The following MYEF2 variants were observed in gnomAD, a reference collection of about 807,000 sequenced individuals.
MYEF2 encodes myelin gene expression factor 2.
In MYEF2, 37 loss-of-function variants were observed where a neutral mutation model predicts 75.2. That is an observed-to-expected ratio of 0.49 (90% CI 0.38 to 0.65). The LOEUF is 0.65. MYEF2 is among the 30% of genes least tolerant of loss of function. The probability of loss-of-function intolerance (pLI) is 0.00; values close to 1 mark genes in which losing one functional copy is unlikely to be tolerated. For synonymous variants in MYEF2, 195 were observed against 241.6 expected (o/e 0.81, Z 1.79); for missense variants, 634 against 771.4 (o/e 0.82, Z 2.11).
chr15:48,175,069 A>G (rs2040470089), intron 1 of MYEF2, among the ~76,000 whole-genome samples: 1 of 152,198 alleles, frequency 6.6e-6, no homozygotes, highest in African/African-American at 2.4e-5. Flanking sequence ...GATTAAAGGA[A>G]ACATGATATA....
Position 48,142,366 on chromosome 15 carries a change from T to G in MYEF2, c.*542A>C. On this transcript the variant is annotated 3_prime_UTR_variant, in exon 17 of 17. Coordinates refer to ENST00000324324, the MANE Select transcript of MYEF2 (RefSeq NM_016132.5). ...GTGGAGGTTGATATTATTAATAGTG[T>G]TATGCAGAAAATATGAATGGCAGGG... 2 of 1,494,196 alleles carry G rather than the reference T, an allele frequency of 1.3e-6. No homozygotes were observed. The highest frequency in any genetic ancestry group is 1.8e-6 in the Non-Finnish European group (2 of 1,105,826). The allele number at this position is 1,494,196 out of a possible 1,614,324, so 92.6% of individuals were successfully genotyped here. A position where few individuals can be genotyped will look rare whatever the true frequency, so the allele number is the denominator to read the frequency against.
In MYEF2 at chr15:48,135,245, G is replaced by T; in HGVS notation, c.*7663C>A. ...CCACCACTTTTCCTTCTCCCCACTG[G>T]CTGCCTATTCAGAAAGTTTCCCAAC... On this transcript the variant is annotated 3_prime_UTR_variant, in exon 17 of 17. Coordinates refer to ENST00000324324, the MANE Select transcript of MYEF2 (RefSeq NM_016132.5). The T allele has an allele frequency of 3.4e-6, 1 of 292,718 alleles. No individual in the cohort carries two copies. The highest frequency in any genetic ancestry group is 6.1e-5 in the South Asian group (1 of 16,332). The allele number at this position is 292,718 out of a possible 1,614,324, so 18.1% of individuals were successfully genotyped here.
At chr15:48,154,540 T>C (rs1411815636) in intron 9 of MYEF2, among the ~76,000 whole-genome samples, 1 of 152,132 alleles carries the variant, frequency 6.6e-6, no homozygotes, top group African/African-American at 2.4e-5. Flanking sequence ...GAAGGACAGA[T>C]TACTTATAAA....
chr15:48,153,975 T>G, intron 9 of MYEF2, 82 bp from the exon 10 acceptor site: 8 of 1,034,284 alleles, frequency 7.7e-6, no homozygotes, highest in Non-Finnish European at 1.1e-5. Context: ...AAAAGCTATA[T>G]ACCTGTAGTA....
At chr15:48,174,849 T>G (rs1222387931) in intron 1 of MYEF2, among the ~76,000 whole-genome samples, 1 of 152,074 alleles carries the variant, frequency 6.6e-6, no homozygotes, top group African/African-American at 2.4e-5. Context: ...GAATATACAT[T>G]GGTACAGCCA....
chr15:48,139,107 C>T lies in MYEF2; in HGVS notation c.*3801G>A, dbSNP rs1393408470. 14 of 1,613,134 alleles carry T rather than the reference C, an allele frequency of 8.7e-6. No individual in the cohort carries two copies. Among genetic ancestry groups the T allele is most frequent in the Non-Finnish European group, 1.2e-5 (14 of 1,179,344 alleles). On this transcript the variant is annotated 3_prime_UTR_variant, in exon 17 of 17. Transcript: ENST00000324324. ...TTTTGGAAAAACTACTTTGTGATAA[C>T]CTTTTTCATGTCTGCAATATGGATA... is the stretch of plus-strand genomic sequence containing the variant.
rs758366468 is a variant in MYEF2, at chr15:48,166,140, T to C, written c.424-12A>G. 3.8e-6 allele frequency: 6 copies of C among 1,563,230 alleles called. No individual in the cohort carries two copies. Among genetic ancestry groups the C allele is most frequent in the Non-Finnish European group, 5.2e-6 (6 of 1,147,664 alleles). On this transcript the variant is annotated splice_polypyrimidine_tract_variant and intron_variant, in intron 3 of 16. Coordinates refer to ENST00000324324, the MANE Select transcript of MYEF2 (RefSeq NM_016132.5). ...TCTTACCCACAACCCTATATCCAGGTAGATTTGTCAAAATATGCAAAAGAA... is the reference window on the plus strand; with the variant it reads ...TCTTACCCACAACCCTATATCCAGGCAGATTTGTCAAAATATGCAAAAGAA...
At chr15:48,158,135 C>A (rs761275029) in intron 8 of MYEF2, 40 bp downstream of exon 8, 3 of 1,611,950 alleles carry the variant, frequency 1.9e-6, no homozygotes, top group Non-Finnish European at 1.7e-6. Flanking sequence ...AATAAAAGAT[C>A]TGAAGAGGTT....
rs556913093 is a variant in MYEF2 at position 48,137,536 on chromosome 15, C to T, written c.*5372G>A. On this transcript the variant is annotated 3_prime_UTR_variant, in exon 17 of 17. Coordinates refer to ENST00000324324, the MANE Select transcript of MYEF2 (RefSeq NM_016132.5). ...TAATGTTACCCAAAATGATGTTCAC[C>T]GAACTAAAATATGAAGAGACAAAGA... The T allele has an allele frequency of 2.0e-5, 3 of 151,942 alleles. No individual in the cohort carries two copies. The highest frequency in any genetic ancestry group is 3.9e-4 in the East Asian group (2 of 5,172). 9.4% of individuals were successfully genotyped at this position (151,942 alleles called of 1,614,324 possible). A position where few individuals can be genotyped will look rare whatever the true frequency, so the allele number is the denominator to read the frequency against.
chr15:48,154,033 G>C, intron 9 of MYEF2, 140 bp from the exon 10 acceptor site: 1 of 595,436 alleles, frequency 1.7e-6, no homozygotes. Context: ...ACTGGTTCTT[G>C]TTTTTGTCTA....
intron 16 of MYEF2, among the ~76,000 whole-genome samples, chr15:48,147,883 T>G (rs913594100): frequency 6.6e-6 from 1 of 151,994 alleles, no homozygotes; most frequent in African/African-American, 2.4e-5. Context: ...ACTGAATAAA[T>G]GAACATCTAC....
At position 48,139,154 on chromosome 15, in the gene MYEF2, G is replaced by A. The variant is rs555872528; in HGVS notation, c.*3754C>T. The A allele has an allele frequency of 6.2e-7, 1 of 1,611,778 alleles. No homozygotes were observed. The highest frequency in any genetic ancestry group is 2.2e-5 in the East Asian group (1 of 44,746). ...GATATCCGCATTTACATATATCCTG[G>A]TTTGGATGGTCACAATAACTGGTAT... On this transcript the variant is annotated 3_prime_UTR_variant, in exon 17 of 17. Coordinates refer to ENST00000324324, the MANE Select transcript of MYEF2 (RefSeq NM_016132.5).
chr15:48,178,246 C>CGCT lies in MYEF2; in HGVS notation c.-12_-10dup, dbSNP rs954241638. On this transcript the variant is annotated 5_prime_UTR_variant, in exon 1 of 17. Coordinates refer to ENST00000324324, the MANE Select transcript of MYEF2 (RefSeq NM_016132.5). ...TTGTTGGCGTCCGCCATCCCGCCGC[C>CGCT]GCTGCCTCCGCCTCGGCCGCCTGAG... 41 of 1,386,648 alleles carry CGCT rather than the reference C, an allele frequency of 3.0e-5. No individual in the cohort carries two copies. Among genetic ancestry groups the CGCT allele is most frequent in the Non-Finnish European group, 3.6e-5 (39 of 1,075,608 alleles). 85.9% of individuals were successfully genotyped at this position (1,386,648 alleles called of 1,614,324 possible). A position where few individuals can be genotyped will look rare whatever the true frequency, so the allele number is the denominator to read the frequency against.
rs372090273 is a variant in MYEF2 at position 48,160,486 on chromosome 15, TAC to T, written c.526-684_526-683del. The stretch of plus-strand genomic sequence containing the variant: ...CCCTACCTTTAAACAAAACCAAACA[TAC>T]ACACACACACACACACACACACACA... On this transcript the variant is annotated intron_variant, in intron 5 of 16. Transcript: ENST00000324324. Among the ~76,000 whole-genome samples, 11 of 139,308 alleles carry T rather than the reference TAC, an allele frequency of 7.9e-5. 1 individual carries two copies. The highest frequency in any genetic ancestry group is 1.6e-4 in the African/African-American group (6 of 37,932). 91.4% of individuals were successfully genotyped at this position (139,308 alleles called of 152,430 possible).
rs2038920989 is a variant in MYEF2, at chr15:48,137,137, A to G, written c.*5771T>C. The G allele has an allele frequency of 6.5e-6, 4 of 619,120 alleles. No homozygotes were observed. The South Asian group carries it at 1.0e-4, about 16-fold the overall frequency. The allele number at this position is 619,120 out of a possible 1,614,324, so 38.4% of individuals were successfully genotyped here. ...GAACTTCCAATATCACAGGAAATACAAAATAGCTAAAGTATGAACGTTAAG... is the reference window on the plus strand; with the variant it reads ...GAACTTCCAATATCACAGGAAATACGAAATAGCTAAAGTATGAACGTTAAG... On this transcript the variant is annotated 3_prime_UTR_variant, in exon 17 of 17. Transcript: ENST00000324324.
chr15:48,144,387 CCAACTGGTAGT>C (rs549520484), intron 16 of MYEF2, among the ~76,000 whole-genome samples: 194 of 152,042 alleles, frequency 1.3e-3, no homozygotes, highest in Admixed American at 3.0e-3. Context: ...TTTTTGAAAA[CCAACTGGTAGT>C]CAACTGCTCA....
chr15:48,153,745 T>C, intron 10 of MYEF2, 47 bp downstream of exon 10: 1 of 1,465,142 alleles, frequency 6.8e-7, no homozygotes, highest in African/African-American at 1.4e-5. Context: ...CTTTATTAGC[T>C]AGCATATGTA....
In MYEF2 at chr15:48,141,175, A is replaced by C. The variant is rs148832380; in HGVS notation, c.*1733T>G. 3.3e-4 allele frequency: 526 copies of C among 1,613,888 alleles called. No individual in the cohort carries two copies. The highest frequency in any genetic ancestry group is 4.3e-4 in the Non-Finnish European group (507 of 1,179,886). On this transcript the variant is annotated 3_prime_UTR_variant, in exon 17 of 17. Transcript: ENST00000324324. ...TACTTTATTAGCAGCAGGAACAAGC[A>C]TACCAGACACAATTGCAAGTGTGTT...
At chr15:48,167,475 C>T in intron 2 of MYEF2, 74 bp from the exon 3 acceptor site, 2 of 1,358,346 alleles carry the variant, frequency 1.5e-6, no homozygotes, top group Non-Finnish European at 2.1e-6. Flanking sequence ...TTACTGCACA[C>T]CTGTGCACAA....
Sources: gnomAD v4.1 joint callset for allele counts (sites outside exome capture counted in the v4.1 genomes callset) on GRCh38, gnomAD v4.1.1 for gene constraint, MANE v1.5 for transcripts, NCBI Gene and HGNC (gene_info 2026-07-23, HGNC 2026-07-21) for gene names.